MYT1L: variants seen among roughly 807,000 people sequenced by gnomAD.
MYT1L encodes the protein myelin transcription factor 1-like protein.
MYT1L carries 12 observed loss-of-function variants against 126.7 expected under a neutral mutation model. The ratio of observed to expected loss-of-function variants is 0.09; its 90% CI spans 0.06 to 0.15. The LOEUF (loss-of-function observed/expected upper bound fraction) is 0.15. Ranked by LOEUF, MYT1L falls within the 10% of genes least tolerant of loss-of-function variation. The probability of loss-of-function intolerance (pLI) is 1.00; values close to 1 mark genes in which losing one functional copy is unlikely to be tolerated. For missense variants in MYT1L, 979 were observed against 1,585.2 expected (o/e 0.62, Z 6.49); for synonymous variants, 541 against 604.2 (o/e 0.90, Z 1.53).
intron 2 of MYT1L, among the ~76,000 whole-genome samples, chr2:2,241,609 C>T (rs1010882558): frequency 6.6e-6 from 1 of 152,144 alleles, no homozygotes; most frequent in Non-Finnish European, 1.5e-5. Context: ...GCGTTTCTTT[C>T]TTATATTTTT....
intron 1 of MYT1L, among the ~76,000 whole-genome samples, chr2:2,311,399 C>T (rs1209882531): frequency 6.6e-6 from 1 of 152,202 alleles, no homozygotes; most frequent in Non-Finnish European, 1.5e-5. Context: ...TAAACATTCT[C>T]CAGTTCTCCT....
intron 3 of MYT1L, among the ~76,000 whole-genome samples, chr2:2,149,115 TC>T (rs1018706419): frequency 6.6e-6 from 1 of 152,186 alleles, no homozygotes; most frequent in Non-Finnish European, 1.5e-5. Context: ...TTCCTTATTT[TC>T]TTCCTTCCTT....
At chr2:2,080,284 CA>C (rs1166766885) in intron 3 of MYT1L, among the ~76,000 whole-genome samples, 1 of 151,650 alleles carries the variant, frequency 6.6e-6, no homozygotes, top group African/African-American at 2.4e-5. Flanking sequence ...AATACACCAC[CA>C]AAAACACAAG....
chr2:2,303,017 T>G (rs183215027), intron 1 of MYT1L, among the ~76,000 whole-genome samples: 12 of 152,332 alleles, frequency 7.9e-5, no homozygotes, highest in Admixed American at 7.8e-4. Flanking sequence ...ATCTACTATT[T>G]GCCAGGGAGT....
At chr2:1,902,683 G>A (rs781521635) in intron 14 of MYT1L, 25 of 198,222 alleles carry the variant, frequency 1.3e-4, no homozygotes, top group Non-Finnish European at 2.2e-4. Flanking sequence ...CAAAGCTCCC[G>A]GGAGCCCAGG....
At chr2:1,930,726 G>C (rs974865647) in intron 9 of MYT1L, among the ~76,000 whole-genome samples, 1 of 152,176 alleles carries the variant, frequency 6.6e-6, no homozygotes, top group South Asian at 2.1e-4. Context: ...ATGCTGTCTG[G>C]AATATGATTT....
intron 2 of MYT1L, among the ~76,000 whole-genome samples, chr2:2,220,650 C>T (rs2093834444): frequency 1.3e-5 from 2 of 152,064 alleles, no homozygotes. Flanking sequence ...CTTTGCAGGG[C>T]CATTTCAAGG....
intron 3 of MYT1L, among the ~76,000 whole-genome samples, chr2:2,060,371 A>G (rs2070237405): frequency 6.6e-6 from 1 of 152,206 alleles, no homozygotes; most frequent in African/African-American, 2.4e-5. Flanking sequence ...AAAGATTTTT[A>G]CTTTCCCCCT....
chr2:1,844,020 G>A (rs1051507380), intron 19 of MYT1L, among the ~76,000 whole-genome samples: 2 of 152,186 alleles, frequency 1.3e-5, no homozygotes, highest in African/African-American at 4.8e-5. Flanking sequence ...TTGGTGAGAA[G>A]AGGCCCTGTG....
chr2:2,208,207 C>A (rs1189293806), intron 2 of MYT1L, among the ~76,000 whole-genome samples: 3 of 152,196 alleles, frequency 2.0e-5, no homozygotes, highest in African/African-American at 2.4e-5. Context: ...ATGAGCCCTG[C>A]TGCAAAAGGA....
rs2048579678 is a variant in MYT1L at position 1,889,564 on chromosome 2, C to T, written c.2284-87G>A. The T allele has an allele frequency of 1.8e-6, 2 of 1,109,234 alleles. No homozygotes were observed. Among genetic ancestry groups the T allele is most frequent in the Non-Finnish European group, 2.6e-6 (2 of 779,164 alleles). The allele number at this position is 1,109,234 out of a possible 1,614,324, so 68.7% of individuals were successfully genotyped here. ...TCCTCCCAGATTACAGTCCTGCCGT[C>T]AGCCAGTGTAGCGTTCAACACAGAA... On this transcript the variant is annotated intron_variant, in intron 15 of 24. Transcript: ENST00000647738. The surrounding 1 kb of genome is among the most constrained non-coding windows in gnomAD (Gnocchi z 4.1).
intron 1 of MYT1L, among the ~76,000 whole-genome samples, chr2:2,314,170 T>A (rs2096023290): frequency 6.6e-6 from 1 of 152,200 alleles, no homozygotes; most frequent in African/African-American, 2.4e-5. Flanking sequence ...TATGTTCAGA[T>A]CATAGAATGA....
rs573069166 is a variant in MYT1L, at chr2:1,880,966, T to C, written c.2711+5573A>G. 3.3e-5 allele frequency among the ~76,000 whole-genome samples: 5 copies of C among 152,342 alleles called. No homozygotes were observed. In the East Asian group the frequency reaches 5.8e-4, roughly 18 times the overall value. ...CGTTTCAAATATTGCTGGAGAACTT[T>C]AGGAATGTTTCATCAAGCCCTTTAA... is the stretch of plus-strand genomic sequence containing the variant. On this transcript the variant is annotated intron_variant, in intron 18 of 24. Transcript: ENST00000647738.
At chr2:2,167,962 G>A (rs2089433771) in intron 3 of MYT1L, among the ~76,000 whole-genome samples, 1 of 152,046 alleles carries the variant, frequency 6.6e-6, no homozygotes, top group African/African-American at 2.4e-5. Flanking sequence ...GTATGGATGG[G>A]GCATTTCAAA....
At chr2:1,861,897 A>AGCCTGTGTAATCCTAGATCTGCCTG (rs2044697129) in intron 18 of MYT1L, among the ~76,000 whole-genome samples, 5 of 4,364 alleles carry the variant, frequency 1.1e-3, no homozygotes, top group East Asian at 4.7e-3. Flanking sequence ...GGATCCTCCT[A>AGCCTGTGTAATCCTAGATCTGCCTG]CAGCCTGTGT....
At chr2:1,999,629 T>G (rs141809765) in intron 4 of MYT1L, among the ~76,000 whole-genome samples, 80 of 152,256 alleles carry the variant, frequency 5.3e-4, no homozygotes, top group African/African-American at 1.7e-3. Context: ...AATGGAAAAC[T>G]CAACATAATC....
chr2:2,164,892 T>C (rs17247359), intron 3 of MYT1L, among the ~76,000 whole-genome samples: 18,965 of 152,186 alleles, frequency 0.12, 1,285 homozygotes, highest in African/African-American at 0.19. Context: ...GAATTGGACA[T>C]GGAACACATC....
At chr2:2,185,447 G>A (rs866910678) in intron 2 of MYT1L, among the ~76,000 whole-genome samples, 61 of 151,630 alleles carry the variant, frequency 4.0e-4, no homozygotes, top group African/African-American at 1.2e-3. Flanking sequence ...GGACGCAGCC[G>A]GGCCTCCTCG....
intron 3 of MYT1L, among the ~76,000 whole-genome samples, chr2:2,124,738 AG>A (rs2081470438): frequency 6.6e-6 from 1 of 152,242 alleles, no homozygotes; most frequent in African/African-American, 2.4e-5. Flanking sequence ...AGATGTAAAG[AG>A]GTTGACTTTT....
Sources: allele counts gnomAD v4.1 joint callset (sites outside exome capture counted in the v4.1 genomes callset), GRCh38; gene constraint gnomAD v4.1.1; non-coding constraint Gnocchi (gnomAD v3.1); transcripts MANE v1.5; gene names NCBI Gene and HGNC (gene_info 2026-07-23, HGNC 2026-07-21).